SLCO1B1: variants seen among roughly 807,000 people sequenced by gnomAD.
The protein encoded by SLCO1B1 is OATP-2.
SLCO1B1 carries 81 observed loss-of-function variants against 70.1 expected under a neutral mutation model. The observed-to-expected ratio is 1.16, with a 90% CI of 0.97 to 1.39. SLCO1B1 has a LOEUF of 1.39. Among genes scored for constraint, SLCO1B1 ranks in the 40% most tolerant of loss-of-function variants. The probability of loss-of-function intolerance (pLI) is 0.00; values close to 1 mark genes in which losing one functional copy is unlikely to be tolerated. For missense variants in SLCO1B1, 895 were observed against 799.6 expected (o/e 1.12, Z -1.44); for synonymous variants, 283 against 271.5 (o/e 1.04, Z -0.42).
intron 7 of SLCO1B1, among the ~76,000 whole-genome samples, chr12:21,179,223 T>C (rs1338615340): frequency 6.6e-6 from 1 of 152,200 alleles, no homozygotes; most frequent in African/African-American, 2.4e-5. Context: ...TAACTAAGTG[T>C]AAAATGAGAG....
chr12:21,162,007 C>T (rs1023981797), intron 2 of SLCO1B1, among the ~76,000 whole-genome samples: 3 of 151,222 alleles, frequency 2.0e-5, no homozygotes, highest in African/African-American at 7.3e-5. Context: ...GACTCTGCCT[C>T]AAAAAATACA....
chr12:21,226,916 G>T lies in SLCO1B1; in HGVS notation c.1865+2077G>T, dbSNP rs1282134557. On this transcript the variant is annotated intron_variant, in intron 14 of 14. Transcript: ENST00000256958. ...TAAAAAAAATCAAGTATCTCCCAAA[G>T]AAAAAATCACGAATGGCTATTAAAT... Among the ~76,000 whole-genome samples, 3 of 151,768 alleles carry T rather than the reference G, an allele frequency of 2.0e-5. No individual in the cohort carries two copies. The East Asian group carries it at 5.8e-4, about 29-fold the overall frequency.
At chr12:21,234,011 G>A (rs1327495157) in intron 14 of SLCO1B1, among the ~76,000 whole-genome samples, 2 of 152,216 alleles carry the variant, frequency 1.3e-5, no homozygotes, top group African/African-American at 4.8e-5. Flanking sequence ...TCAAAACAGA[G>A]AAATTGCAAT....
chr12:21,220,672 A>T (rs984345663), intron 12 of SLCO1B1, among the ~76,000 whole-genome samples: 1 of 152,092 alleles, frequency 6.6e-6, no homozygotes, highest in Non-Finnish European at 1.5e-5. Flanking sequence ...CCTCAAACTA[A>T]TAAAGCATAT....
intron 7 of SLCO1B1, among the ~76,000 whole-genome samples, chr12:21,181,837 T>C (rs932816303): frequency 3.3e-5 from 5 of 152,062 alleles, no homozygotes; most frequent in African/African-American, 1.2e-4. Context: ...AATTTATAGA[T>C]GAATTGCATA....
intron 11 of SLCO1B1, among the ~76,000 whole-genome samples, chr12:21,213,894 G>A (rs879025350): frequency 0.02 from 2,911 of 149,098 alleles, 87 homozygotes; most frequent in African/African-American, 0.068. Context: ...CGTAGTTCTC[G>A]AGCCTTGGTT....
Position 21,222,350 on chromosome 12 carries a change from T to G in SLCO1B1, c.1733T>G (p.Val578Gly), listed in dbSNP as rs758983768. The G allele has an allele frequency of 1.0e-6, 1 of 974,232 alleles. No homozygotes were observed. The highest frequency in any genetic ancestry group is 3.5e-5 in the East Asian group (1 of 28,526). The allele number at this position is 974,232 out of a possible 1,614,324, so 60.3% of individuals were successfully genotyped here. Residue 578 changes from valine (V) to glycine (G), a missense_variant, in exon 13 of 15, where the codon GTT becomes GGT. Transcript: ENST00000256958. Reference sequence around the variant, plus strand: ...CTTGCACTGGGTTTCCACTCAATGGTTATACGAGCACTAGGTATGATGAAA... The same window carrying G: ...CTTGCACTGGGTTTCCACTCAATGGGTATACGAGCACTAGGTATGATGAAA... ...KSLALGFHSMVIRALGGILAP... is the reference protein window; with the variant it reads ...KSLALGFHSMGIRALGGILAP...
At chr12:21,152,487 T>C (rs1277082540) in intron 2 of SLCO1B1, among the ~76,000 whole-genome samples, 2 of 146,122 alleles carry the variant, frequency 1.4e-5, no homozygotes, top group Non-Finnish European at 3.0e-5. Flanking sequence ...AAACCTGCTA[T>C]ACATAGGCCT....
chr12:21,153,505 T>C (rs138737171), intron 2 of SLCO1B1, among the ~76,000 whole-genome samples: 84 of 152,268 alleles, frequency 5.5e-4, no homozygotes, highest in Middle Eastern at 3.4e-3. Flanking sequence ...TAGTACATCA[T>C]TGATGTTTGT....
intron 5 of SLCO1B1, among the ~76,000 whole-genome samples, 191 bp downstream of exon 5, chr12:21,177,088 G>GT (rs1940831674): frequency 6.6e-6 from 1 of 151,904 alleles, no homozygotes; most frequent in Non-Finnish European, 1.5e-5. Context: ...TAAACTACGC[G>GT]TTTTCACTTC....
rs1410898997 is a variant in SLCO1B1, at chr12:21,178,951, C to T, written c.658C>T (p.Pro220Ser). 1 of 1,611,646 alleles carries T rather than the reference C, an allele frequency of 6.2e-7. No individual in the cohort carries two copies. Among genetic ancestry groups the T allele is most frequent in the Non-Finnish European group, 8.5e-7 (1 of 1,178,380 alleles). The change falls in exon 7 of 15, where the codon CCA becomes TCA. Residue 220 changes from proline to serine, a missense_variant. Pro to Ser is a moderately conservative substitution (Grantham distance 74). Coordinates refer to ENST00000256958, the MANE Select transcript of SLCO1B1 (RefSeq NM_006446.5). ...GILNAIAMIG[P>S]IIGFTLGSLF... ...ATTGAATGCAATAGCAATGATTGGTCCAATCATTGGCTTTACCCTGGGATC... is the reference window on the plus strand; with the variant it reads ...ATTGAATGCAATAGCAATGATTGGTTCAATCATTGGCTTTACCCTGGGATC...
At chr12:21,181,060 G>C (rs1349827697) in intron 7 of SLCO1B1, among the ~76,000 whole-genome samples, 4 of 152,160 alleles carry the variant, frequency 2.6e-5, no homozygotes, top group Non-Finnish European at 4.4e-5. Context: ...GGGTGTGATG[G>C]TTAGAATAGG....
intron 1 of SLCO1B1, among the ~76,000 whole-genome samples, chr12:21,135,703 C>T (rs1940210532): frequency 6.6e-6 from 1 of 152,118 alleles, no homozygotes; most frequent in South Asian, 2.1e-4. Flanking sequence ...CTTCCTCCAT[C>T]CCTTTATTTT....
chr12:21,141,248 T>C lies in SLCO1B1; in HGVS notation c.-61-266T>C, dbSNP rs116658643. On this transcript the variant is annotated intron_variant, in intron 1 of 14. Transcript: ENST00000256958. ...AATTTAAAATGTTCATGTAATCTGGTGTGTGATTCTATATTACTTACTTGT... is the reference window on the plus strand; with the variant it reads ...AATTTAAAATGTTCATGTAATCTGGCGTGTGATTCTATATTACTTACTTGT... 2.6e-3 allele frequency among the ~76,000 whole-genome samples: 383 copies of C among 145,968 alleles called. 2 individuals carry two copies. Among genetic ancestry groups the C allele is most frequent in the African/African-American group, 9.2e-3 (379 of 41,332 alleles).
At chr12:21,215,036 C>G (rs1028731097) in intron 11 of SLCO1B1, among the ~76,000 whole-genome samples, 1 of 152,152 alleles carries the variant, frequency 6.6e-6, no homozygotes, top group African/African-American at 2.4e-5. Context: ...GCGTCGCTCA[C>G]GCTGGGAGCT....
At chr12:21,137,327 G>A (rs149430579) in intron 1 of SLCO1B1, among the ~76,000 whole-genome samples, 2,277 of 152,252 alleles carry the variant, frequency 0.015, 53 homozygotes, top group African/African-American at 0.051. Context: ...CTCAAGCTGC[G>A]TGCTGGGAGA....
chr12:21,148,034 G>A (rs1473132337), intron 2 of SLCO1B1, among the ~76,000 whole-genome samples: 2 of 151,870 alleles, frequency 1.3e-5, no homozygotes, highest in East Asian at 3.8e-4. Context: ...TCATATCCTT[G>A]GCCCACTTTT....
chr12:21,226,277 G>A (rs747317146), intron 14 of SLCO1B1, among the ~76,000 whole-genome samples: 2 of 151,916 alleles, frequency 1.3e-5, no homozygotes, highest in African/African-American at 2.4e-5. Context: ...AGCCAGTCAC[G>A]GTGGTGCACA....
At chr12:21,206,174 G>A in intron 11 of SLCO1B1, 141 bp downstream of exon 11, 2 of 703,044 alleles carry the variant, frequency 2.8e-6, no homozygotes, top group South Asian at 3.5e-5. Context: ...TTATTGTGAT[G>A]GGTGTGATGT....
Sources: allele counts gnomAD v4.1 joint callset (sites outside exome capture counted in the v4.1 genomes callset), GRCh38; gene constraint gnomAD v4.1.1; transcripts MANE v1.5; gene names NCBI Gene and HGNC (gene_info 2026-07-23, HGNC 2026-07-21).